KDM7A: variants seen among roughly 807,000 people sequenced by gnomAD.
The protein encoded by KDM7A is lysine demethylase 7A.
KDM7A carries 28 observed loss-of-function variants against 114.8 expected under a neutral mutation model. That is an observed-to-expected ratio of 0.24 (90% CI 0.18 to 0.33). The LOEUF (loss-of-function observed/expected upper bound fraction) is 0.33. Ranked by LOEUF, KDM7A falls within the 10% of genes least tolerant of loss-of-function variation. The probability of loss-of-function intolerance (pLI) is 1.00; values close to 1 mark genes in which losing one functional copy is unlikely to be tolerated. For missense variants in KDM7A, 942 were observed against 1,142.5 expected, an observed-to-expected ratio of 0.82 and a Z score of 2.53; for synonymous variants, 423 against 397.8, an observed-to-expected ratio of 1.06 and a Z score of -0.75.
intron 2 of KDM7A, among the ~76,000 whole-genome samples, chr7:140,135,479 G>A (rs1010302929): frequency 2.0e-5 from 3 of 152,164 alleles, no homozygotes; most frequent in East Asian, 3.8e-4. Flanking sequence ...AGGATTACAC[G>A]TGTGAGCCAC....
chr7:140,171,628 AAT>A (rs909799021), intron 1 of KDM7A, among the ~76,000 whole-genome samples: 23 of 143,196 alleles, frequency 1.6e-4, no homozygotes, highest in Admixed American at 1.3e-3. Flanking sequence ...CATATTTATA[AAT>A]ATATATTTAT....
In KDM7A at chr7:140,090,089, G is replaced by A. The variant is rs1160457582; in HGVS notation, c.*1005C>T. On this transcript the variant is annotated 3_prime_UTR_variant, in exon 20 of 20. Coordinates refer to ENST00000397560, the MANE Select transcript of KDM7A (RefSeq NM_030647.2). ...AGCAGCAGTACGAAGAAGGCCTGCTGTAGTTACAAATGTACTTGGAAAAAC... is the reference window on the plus strand; with the variant it reads ...AGCAGCAGTACGAAGAAGGCCTGCTATAGTTACAAATGTACTTGGAAAAAC... 2 of 152,192 alleles carry A rather than the reference G, an allele frequency of 1.3e-5. No homozygotes were observed. Among genetic ancestry groups the A allele is most frequent in the East Asian group, 3.8e-4 (2 of 5,200 alleles). The allele number at this position is 152,192 out of a possible 1,614,324, so 9.4% of individuals were successfully genotyped here. A position where few individuals can be genotyped will look rare whatever the true frequency, so the allele number is the denominator to read the frequency against.
rs1818002246 is a variant in KDM7A at position 140,090,668 on chromosome 7, A to C, written c.*426T>G. 1 of 159,174 alleles carries C rather than the reference A, an allele frequency of 6.3e-6. No individual in the cohort carries two copies. Among genetic ancestry groups the C allele is most frequent in the South Asian group, 1.9e-4 (1 of 5,180 alleles). The allele number at this position is 159,174 out of a possible 1,614,324, so 9.9% of individuals were successfully genotyped here. A position where few individuals can be genotyped will look rare whatever the true frequency, so the allele number is the denominator to read the frequency against. The stretch of plus-strand genomic sequence containing the variant: ...AAAAACCTTCACATTCTTACATCTA[A>C]ATTAGTGAGATATTTCTCCAGAAAT... On this transcript the variant is annotated 3_prime_UTR_variant, in exon 20 of 20. Coordinates refer to ENST00000397560, the MANE Select transcript of KDM7A (RefSeq NM_030647.2).
chr7:140,131,432 T>G, intron 3 of KDM7A, among the ~76,000 whole-genome samples: 1 of 152,202 alleles, frequency 6.6e-6, no homozygotes, highest in East Asian at 1.9e-4. Flanking sequence ...CTTAACTATC[T>G]GATGTCATCT....
Position 140,115,825 on chromosome 7 carries a change from A to T in KDM7A, c.1247-2243T>A, listed in dbSNP as rs565855097. ...AATTTAAAAAAAATAAATAAATAAAAAAAAATAAAACATTAATAGTACAAG... is the reference window on the plus strand; with the variant it reads ...AATTTAAAAAAAATAAATAAATAAATAAAAATAAAACATTAATAGTACAAG... On this transcript the variant is annotated intron_variant, in intron 9 of 19. Transcript: ENST00000397560. 8.0e-3 allele frequency among the ~76,000 whole-genome samples: 1,174 copies of T among 147,140 alleles called. 6 individuals carry two copies. Among genetic ancestry groups the T allele is most frequent in the South Asian group, 0.015 (71 of 4,800 alleles).
At chr7:140,101,920 T>A in intron 12 of KDM7A, 31 bp downstream of exon 12, 1 of 1,458,904 alleles carries the variant, frequency 6.9e-7, no homozygotes, top group Non-Finnish European at 9.6e-7. Context: ...CAGCCAAGTT[T>A]CTTTTTGTTG....
rs1585137770 is a variant in KDM7A at position 140,097,594 on chromosome 7, T to C, written c.1967A>G (p.Tyr656Cys). The change falls in exon 15 of 20, where the codon TAT (tyrosine) becomes TGT (cysteine). Residue 656 changes from tyrosine (Y) to cysteine (C), a missense_variant. Tyr to Cys is a radical substitution (Grantham distance 194). Transcript: ENST00000397560. ...KSELRSRSSG[Y>C]SDISESEDSG... ...GTCTTCTGACTCAGAAATATCAGAA[T>C]ATCCTGATGATCTACTCCTGAGTTC... The C allele has an allele frequency of 6.2e-7, 1 of 1,608,872 alleles. No individual in the cohort carries two copies. The highest frequency in any genetic ancestry group is 1.1e-5 in the South Asian group (1 of 90,944).
chr7:140,154,732 T>TTC (rs779082288), intron 1 of KDM7A, among the ~76,000 whole-genome samples: 78 of 151,464 alleles, frequency 5.1e-4, no homozygotes, highest in Non-Finnish European at 1.0e-3. Context: ...CCTCGGGTCT[T>TTC]TCTCTCTCTC....
At chr7:140,168,270 G>A (rs1386619667) in intron 1 of KDM7A, among the ~76,000 whole-genome samples, 1 of 152,082 alleles carries the variant, frequency 6.6e-6, no homozygotes, top group Non-Finnish European at 1.5e-5. Context: ...ACCTGAAGCT[G>A]TATCTCAATA....
intron 10 of KDM7A, among the ~76,000 whole-genome samples, chr7:140,112,604 C>CT (rs1461617396): frequency 6.6e-6 from 1 of 150,854 alleles, no homozygotes; most frequent in African/African-American, 2.4e-5. Context: ...GATTAAGACT[C>CT]TGTCTAAAAA....
intron 3 of KDM7A, among the ~76,000 whole-genome samples, chr7:140,130,642 T>TA (rs1434380913): frequency 6.6e-6 from 1 of 151,550 alleles, no homozygotes; most frequent in Non-Finnish European, 1.5e-5. Flanking sequence ...AAATAAAAAA[T>TA]AAAAAACAAA....
chr7:140,097,906 C>A (rs1818141963), intron 14 of KDM7A, among the ~76,000 whole-genome samples: 1 of 152,194 alleles, frequency 6.6e-6, no homozygotes, highest in African/African-American at 2.4e-5. Context: ...GATGGATTGA[C>A]TGTTTTGTAT....
chr7:140,165,700 G>GT (rs1007580716), intron 1 of KDM7A, among the ~76,000 whole-genome samples: 2 of 152,116 alleles, frequency 1.3e-5, no homozygotes, highest in Non-Finnish European at 2.9e-5. Context: ...AACTGTCGGG[G>GT]TATCAATGCT....
chr7:140,153,988 G>A (rs1456939532), intron 1 of KDM7A, among the ~76,000 whole-genome samples: 1 of 152,136 alleles, frequency 6.6e-6, no homozygotes, highest in Admixed American at 6.5e-5. Flanking sequence ...AAGAACAGAC[G>A]CGTGCCTGTT....
intron 1 of KDM7A, among the ~76,000 whole-genome samples, chr7:140,144,252 AG>A (rs1794315708): frequency 6.6e-6 from 1 of 152,230 alleles, no homozygotes; most frequent in Non-Finnish European, 1.5e-5. Flanking sequence ...GATCATTCAA[AG>A]GGGAAAGAAG....
chr7:140,141,955 A>G (rs1329483142), intron 1 of KDM7A, among the ~76,000 whole-genome samples: 1 of 149,684 alleles, frequency 6.7e-6, no homozygotes, highest in African/African-American at 2.4e-5. Flanking sequence ...TATTTATGTA[A>G]AATATATTTA....
rs1231304025 is a variant in KDM7A at position 140,090,320 on chromosome 7, G to A, written c.*774C>T. 2 of 152,064 alleles carry A rather than the reference G, an allele frequency of 1.3e-5. No homozygotes were observed. Among genetic ancestry groups the A allele is most frequent in the Non-Finnish European group, 2.9e-5 (2 of 68,022 alleles). The allele number at this position is 152,064 out of a possible 1,614,324, so 9.4% of individuals were successfully genotyped here. The stretch of plus-strand genomic sequence containing the variant: ...CATGGAGTTCTTACACATTGGCTAC[G>A]AAAGTGTTTCCCTGCAAAGAGAAGA... On this transcript the variant is annotated 3_prime_UTR_variant, in exon 20 of 20. Coordinates refer to ENST00000397560, the MANE Select transcript of KDM7A (RefSeq NM_030647.2).
chr7:140,099,808 G>C, intron 13 of KDM7A, 91 bp downstream of exon 13: 1 of 1,230,478 alleles, frequency 8.1e-7, no homozygotes, highest in Non-Finnish European at 1.2e-6. Flanking sequence ...CCGGTCCCTG[G>C]TGCCAGAAAG....
At chr7:140,139,275 G>T in intron 1 of KDM7A, 85 bp from the exon 2 acceptor site, 1 of 847,094 alleles carries the variant, frequency 1.2e-6, no homozygotes, top group Non-Finnish European at 2.0e-6. Context: ...ATTTAGCTGA[G>T]AAATGTACAA....
Sources: gnomAD v4.1 joint callset for allele counts (sites outside exome capture counted in the v4.1 genomes callset) on GRCh38, gnomAD v4.1.1 for gene constraint, MANE v1.5 for transcripts, NCBI Gene and HGNC (gene_info 2026-07-23, HGNC 2026-07-21) for gene names.